CNTN4: variants seen among roughly 807,000 people sequenced by gnomAD.
The protein encoded by CNTN4 is contactin-4.
CNTN4 carries 77 observed loss-of-function variants against 122.5 expected under a neutral mutation model. That is an observed-to-expected ratio of 0.63 (90% CI 0.52 to 0.76). The LOEUF (loss-of-function observed/expected upper bound fraction) is 0.76. Ranked by LOEUF, CNTN4 falls within the 30% of genes least tolerant of loss-of-function variation. The probability of loss-of-function intolerance (pLI) is 0.00; values close to 1 mark genes in which losing one functional copy is unlikely to be tolerated. For synonymous variants in CNTN4, 512 were observed against 447.0 expected, an observed-to-expected ratio of 1.15 and a Z score of -1.83; for missense variants, 1,256 against 1,259.1, an observed-to-expected ratio of 1.00 and a Z score of 0.04.
intron 2 of CNTN4, among the ~76,000 whole-genome samples, chr3:2,275,416 C>T (rs1343867418): frequency 6.6e-6 from 1 of 152,146 alleles, no homozygotes; most frequent in Non-Finnish European, 1.5e-5. Flanking sequence ...TTTACTAAAA[C>T]ATAGTCACAT....
intron 13 of CNTN4, among the ~76,000 whole-genome samples, chr3:2,944,900 G>T (rs955574889): frequency 6.6e-6 from 1 of 152,160 alleles, no homozygotes; most frequent in East Asian, 1.9e-4. Context: ...TGGGATTTCA[G>T]CTAGTCCCAC....
intron 2 of CNTN4, among the ~76,000 whole-genome samples, chr3:2,328,880 G>A (rs978576811): frequency 1.3e-5 from 2 of 152,066 alleles, no homozygotes; most frequent in Non-Finnish European, 2.9e-5. Flanking sequence ...TGGATACCAA[G>A]GGACGACTGC....
At chr3:2,937,572 C>A (rs1420925206) in intron 13 of CNTN4, among the ~76,000 whole-genome samples, 1 of 152,084 alleles carries the variant, frequency 6.6e-6, no homozygotes, top group Non-Finnish European at 1.5e-5. Flanking sequence ...TGGTCTAGTT[C>A]CGTTGGGGAA....
At chr3:2,695,053 C>T (rs1275176022) in intron 4 of CNTN4, among the ~76,000 whole-genome samples, 1 of 152,112 alleles carries the variant, frequency 6.6e-6, no homozygotes, top group Non-Finnish European at 1.5e-5. Context: ...TTTATGTAGT[C>T]AGTGCATCTG....
At chr3:2,977,442 C>G (rs983685013) in intron 13 of CNTN4, among the ~76,000 whole-genome samples, 1 of 151,962 alleles carries the variant, frequency 6.6e-6, no homozygotes, top group Non-Finnish European at 1.5e-5. Context: ...TCCTACTGGA[C>G]TTTTATTCTT....
chr3:2,699,738 G>T (rs1017100487), intron 4 of CNTN4, among the ~76,000 whole-genome samples: 10 of 152,190 alleles, frequency 6.6e-5, no homozygotes. Context: ...CACCAGTGTA[G>T]CCTCTTGAGC....
chr3:2,397,527 G>C (rs9836511), intron 3 of CNTN4, among the ~76,000 whole-genome samples: 45,528 of 151,724 alleles, frequency 0.3, 7,437 homozygotes, highest in Admixed American at 0.39. Context: ...TATTTTAGAA[G>C]TGTGCTCCTC....
chr3:2,489,531 C>G (rs2076254852), intron 3 of CNTN4, among the ~76,000 whole-genome samples: 1 of 152,104 alleles, frequency 6.6e-6, no homozygotes, highest in Non-Finnish European at 1.5e-5. Context: ...TCTTAGTTTC[C>G]AAAGTACAAT....
At position 2,345,163 on chromosome 3, in the gene CNTN4, T is replaced by C. The variant is rs2044354705; in HGVS notation, c.-89+5930T>C. ...TGTGGCCTTACATTAAAATGTTCCA[T>C]GCATATGCTTCTGAATACAATTTAA... On this transcript the variant is annotated intron_variant, in intron 3 of 24. Coordinates refer to ENST00000418658, the MANE Select transcript of CNTN4 (RefSeq NM_175607.3). Among the ~76,000 whole-genome samples, 6 of 152,304 alleles carry C rather than the reference T, an allele frequency of 3.9e-5. No individual in the cohort carries two copies. The South Asian group carries it at 1.0e-3, about 26-fold the overall frequency.
chr3:2,828,028 G>T lies in CNTN4; in HGVS notation c.454+8447G>T, dbSNP rs189605087. ...ATTGATCACCTTTTCTGGTCATATT[G>T]GGAACATGATTGAAGGTACATATGG... On this transcript the variant is annotated intron_variant, in intron 7 of 24. Coordinates refer to ENST00000418658, the MANE Select transcript of CNTN4 (RefSeq NM_175607.3). Among the ~76,000 whole-genome samples, 13 of 152,118 alleles carry T rather than the reference G, an allele frequency of 8.5e-5. No individual in the cohort carries two copies. The East Asian group carries it at 2.1e-3, about 25-fold the overall frequency.
At chr3:2,883,009 G>A (rs971792815) in intron 8 of CNTN4, 136 bp from the exon 9 acceptor site, 1 of 674,860 alleles carries the variant, frequency 1.5e-6, no homozygotes, top group Admixed American at 2.1e-5. Context: ...GCTGGAGATA[G>A]GACCTGCTTT....
At chr3:2,865,515 CTCAG>C (rs2093714551) in intron 7 of CNTN4, among the ~76,000 whole-genome samples, 1 of 152,198 alleles carries the variant, frequency 6.6e-6, no homozygotes. Flanking sequence ...CATATAAGAA[CTCAG>C]TCAACTAGTT....
intron 4 of CNTN4, among the ~76,000 whole-genome samples, chr3:2,718,942 G>A (rs1576558524): frequency 2.6e-5 from 4 of 152,172 alleles, no homozygotes; most frequent in Admixed American, 2.6e-4. Flanking sequence ...GGTGTCTGAA[G>A]CCCCTGAAAT....
At chr3:2,250,763 T>C (rs998259759) in intron 2 of CNTN4, among the ~76,000 whole-genome samples, 1 of 151,902 alleles carries the variant, frequency 6.6e-6, no homozygotes, top group Non-Finnish European at 1.5e-5. Flanking sequence ...CCTCAAAGAA[T>C]GTGTAATCTT....
intron 4 of CNTN4, among the ~76,000 whole-genome samples, chr3:2,715,049 G>A (rs943209260): frequency 5.3e-5 from 8 of 152,256 alleles, no homozygotes; most frequent in South Asian, 2.1e-4. Flanking sequence ...TACATATATC[G>A]TGTTTCAAGG....
chr3:2,857,049 A>G (rs905462887), intron 7 of CNTN4, among the ~76,000 whole-genome samples: 1 of 152,180 alleles, frequency 6.6e-6, no homozygotes, highest in Non-Finnish European at 1.5e-5. Flanking sequence ...AAAAACCTCT[A>G]TGGAATTCGA....
At chr3:2,774,770 C>G (rs2091249298) in intron 6 of CNTN4, among the ~76,000 whole-genome samples, 1 of 152,106 alleles carries the variant, frequency 6.6e-6, no homozygotes, top group Admixed American at 6.6e-5. Flanking sequence ...GTAACTGTAT[C>G]CCACGAGACA....
intron 7 of CNTN4, among the ~76,000 whole-genome samples, chr3:2,828,160 G>A (rs1434842866): frequency 1.3e-5 from 2 of 151,886 alleles, no homozygotes; most frequent in East Asian, 3.9e-4. Flanking sequence ...TGTATAATGA[G>A]AGAAGTGCCC....
chr3:2,810,281 G>C, intron 6 of CNTN4, among the ~76,000 whole-genome samples: 1 of 152,180 alleles, frequency 6.6e-6, no homozygotes, highest in Non-Finnish European at 1.5e-5. Context: ...GTGTCATTTA[G>C]CTAAGCTGGA....
Sources: allele counts gnomAD v4.1 joint callset (sites outside exome capture counted in the v4.1 genomes callset), GRCh38; gene constraint gnomAD v4.1.1; transcripts MANE v1.5; gene names NCBI Gene and HGNC (gene_info 2026-07-23, HGNC 2026-07-21).